Variants in THEM6 observed in about 807,000 individuals in gnomAD.
THEM6 encodes thioesterase superfamily member 6, also known as protein THEM6.
THEM6 carries 10 observed loss-of-function variants against 13.7 expected under a neutral mutation model. The ratio of observed to expected loss-of-function variants is 0.73; its 90% CI spans 0.45 to 1.24. The LOEUF (loss-of-function observed/expected upper bound fraction) is 1.24. Among genes scored for constraint, THEM6 ranks in the 50% most tolerant of loss-of-function variants. The pLI, the probability that THEM6 is intolerant of heterozygous loss-of-function variation, is 0.00. For synonymous variants in THEM6, 161 were observed against 156.0 expected (o/e 1.03, Z -0.24); for missense variants, 317 against 312.6 (o/e 1.01, Z -0.11).
In THEM6 at chr8:142,735,619, A is replaced by G. The variant is rs1367701791; in HGVS notation, c.*180A>G. 7 of 586,478 alleles carry G rather than the reference A, an allele frequency of 1.2e-5. No homozygotes were observed. The highest frequency in any genetic ancestry group is 8.4e-5 in the Admixed American group (3 of 35,550). The allele number at this position is 586,478 out of a possible 1,614,324, so 36.3% of individuals were successfully genotyped here. On this transcript the variant is annotated 3_prime_UTR_variant, in exon 2 of 2. Transcript: ENST00000336138. Reference sequence around the variant, plus strand: ...ACCCCTCTGTGCTGGGCTCCACGCTAGGCAGAAGGAGGAGTGGCATTGGCA... The same window carrying G: ...ACCCCTCTGTGCTGGGCTCCACGCTGGGCAGAAGGAGGAGTGGCATTGGCA...
At position 142,727,500 on chromosome 8, in the gene THEM6, GGCCGCGT is replaced by G; in HGVS notation, c.157_163del (p.Arg53CysfsTer11). 6.3e-7 allele frequency: 1 copy of G among 1,579,042 alleles called. No individual in the cohort carries two copies. Among genetic ancestry groups the G allele is most frequent in the Non-Finnish European group, 8.5e-7 (1 of 1,170,698 alleles). On this transcript the variant is annotated frameshift_variant, in exon 1 of 2. Coordinates refer to ENST00000336138, the MANE Select transcript of THEM6 (RefSeq NM_016647.3). LOFTEE classifies it high-confidence loss of function. ...CCTGCTAGCTGAGCAGCGCTTCCCGGGCCGCGTGCTGCCCTCGGACTTGGACCTGCTG... is the reference window on the plus strand; with the variant it reads ...CCTGCTAGCTGAGCAGCGCTTCCCGGGCTGCCCTCGGACTTGGACCTGCTG...
chr8:142,733,977 G>A (rs981037420), intron 1 of THEM6, among the ~76,000 whole-genome samples: 2 of 152,194 alleles, frequency 1.3e-5, no homozygotes, highest in Admixed American at 6.5e-5. Context: ...TACTGGTTGT[G>A]GAGACCTAGG....
rs903041221 is a variant in THEM6, at chr8:142,735,488, C to A, written c.*49C>A. 4 of 1,399,548 alleles carry A rather than the reference C, an allele frequency of 2.9e-6. No homozygotes were observed. In the African/African-American group the frequency reaches 4.3e-5, roughly 15 times the overall value. 86.7% of individuals were successfully genotyped at this position (1,399,548 alleles called of 1,614,324 possible). On this transcript the variant is annotated 3_prime_UTR_variant, in exon 2 of 2. Coordinates refer to ENST00000336138, the MANE Select transcript of THEM6 (RefSeq NM_016647.3). ...CTGGCCACCATCCTGGGCCTGGGGG[C>A]TGCCCACAGATGGGCAGTCTCAGCC...
At chr8:142,733,304 G>A (rs1353255425) in intron 1 of THEM6, among the ~76,000 whole-genome samples, 5 of 152,250 alleles carry the variant, frequency 3.3e-5, no homozygotes, top group African/African-American at 1.2e-4. Flanking sequence ...AGGCTAAATT[G>A]TGGGAGCTAA....
Position 142,727,892 on chromosome 8 carries a change from G to C in THEM6, c.513+33G>C, listed in dbSNP as rs782402619. On this transcript the variant is annotated intron_variant, in intron 1 of 1. Coordinates refer to ENST00000336138, the MANE Select transcript of THEM6 (RefSeq NM_016647.3). The stretch of plus-strand genomic sequence containing the variant: ...GCCCCCGCCCCTGGCCCCGGAGCAC[G>C]GCCTTTGTGGGACCTCCGGGGGCTC... 29 of 1,378,766 alleles carry C rather than the reference G, an allele frequency of 2.1e-5. 1 individual carries two copies. In the African/African-American group the frequency reaches 4.0e-4, roughly 19 times the overall value. 85.4% of individuals were successfully genotyped at this position (1,378,766 alleles called of 1,614,324 possible).
chr8:142,734,071 G>A (rs1815708054), intron 1 of THEM6, among the ~76,000 whole-genome samples: 1 of 152,056 alleles, frequency 6.6e-6, no homozygotes, highest in Admixed American at 6.5e-5. Flanking sequence ...TAAGGTCTGT[G>A]TTGTTAATGC....
chr8:142,728,023 G>A (rs915140138), intron 1 of THEM6, among the ~76,000 whole-genome samples, 164 bp downstream of exon 1: 2 of 152,094 alleles, frequency 1.3e-5, no homozygotes, highest in Non-Finnish European at 2.9e-5. Flanking sequence ...CCTCTCTACC[G>A]GGGGCATTCC....
At chr8:142,730,535 T>C (rs1815623909) in intron 1 of THEM6, among the ~76,000 whole-genome samples, 1 of 152,218 alleles carries the variant, frequency 6.6e-6, no homozygotes, top group East Asian at 1.9e-4. Context: ...CCCTGCCTCC[T>C]CTTAAGCTCT....
chr8:142,731,777 C>T (rs1815650889), intron 1 of THEM6, among the ~76,000 whole-genome samples: 1 of 152,240 alleles, frequency 6.6e-6, no homozygotes, highest in Non-Finnish European at 1.5e-5. Context: ...GTCAGTTTCT[C>T]TATCCACCCC....
In THEM6 at chr8:142,727,249, T is replaced by G. The variant is rs2257796; in HGVS notation, c.-98T>G. On this transcript the variant is annotated 5_prime_UTR_variant, in exon 1 of 2. Transcript: ENST00000336138. ...GTTCGCTCCGGGCGCGCTGCGCTCG[T>G]GAGTTCCCAGGAGGCCTGGCGGGCA... 1.6e-5 allele frequency: 20 copies of G among 1,250,620 alleles called. No homozygotes were observed. Among genetic ancestry groups the G allele is most frequent in the Admixed American group, 4.1e-5 (1 of 24,396 alleles). 77.5% of individuals were successfully genotyped at this position (1,250,620 alleles called of 1,614,324 possible). A position where few individuals can be genotyped will look rare whatever the true frequency, so the allele number is the denominator to read the frequency against.
chr8:142,730,270 TA>T (rs1275457953), intron 1 of THEM6, among the ~76,000 whole-genome samples: 1 of 149,246 alleles, frequency 6.7e-6, no homozygotes, highest in Non-Finnish European at 1.5e-5. Flanking sequence ...GTTAACAGCA[TA>T]AAATAGGGTT....
intron 1 of THEM6, 132 bp from the exon 2 acceptor site, chr8:142,735,194 G>A: frequency 1.5e-6 from 1 of 679,124 alleles, no homozygotes; most frequent in Non-Finnish European, 2.6e-6. Context: ...AGCCTGGGGA[G>A]GCATGGGCAA....
rs865977434 is a variant in THEM6, at chr8:142,732,204, A to G, written c.514-3122A>G. 7.0e-3 allele frequency among the ~76,000 whole-genome samples: 714 copies of G among 102,602 alleles called. 17 individuals are homozygous for G. Among genetic ancestry groups the G allele is most frequent in the African/African-American group, 0.028 (660 of 23,544 alleles). The allele number at this position is 102,602 out of a possible 152,430, so 67.3% of individuals were successfully genotyped here. A position where few individuals can be genotyped will look rare whatever the true frequency, so the allele number is the denominator to read the frequency against. On this transcript the variant is annotated intron_variant, in intron 1 of 1. Coordinates refer to ENST00000336138, the MANE Select transcript of THEM6 (RefSeq NM_016647.3). ...TATATATATATATATATATATATATATATTTTAACTACTGGAGGTTTGTGT... is the reference window on the plus strand; with the variant it reads ...TATATATATATATATATATATATATGTATTTTAACTACTGGAGGTTTGTGT...
Position 142,727,350 on chromosome 8 carries a change from C to G in THEM6, c.4C>G (p.Leu2Val). 1 of 1,516,750 alleles carries G rather than the reference C, an allele frequency of 6.6e-7. No individual in the cohort carries two copies. Among genetic ancestry groups the G allele is most frequent in the Non-Finnish European group, 8.8e-7 (1 of 1,139,236 alleles). The allele number at this position is 1,516,750 out of a possible 1,614,324, so 94.0% of individuals were successfully genotyped here. A position where few individuals can be genotyped will look rare whatever the true frequency, so the allele number is the denominator to read the frequency against. ...CCCCGCGCCCGCCGCCGCCGCTATGCTGGGGCTGCTGGTGGCGTTGCTGGC... is the reference window on the plus strand; with the variant it reads ...CCCCGCGCCCGCCGCCGCCGCTATGGTGGGGCTGCTGGTGGCGTTGCTGGC... M[L>V]GLLVALLALG... Residue 2 changes from leucine (L) to valine (V), a missense_variant, in exon 1 of 2, where the codon CTG becomes GTG. Physicochemically the swap from Leu to Val is conservative, Grantham distance 32. Transcript: ENST00000336138.
intron 1 of THEM6, among the ~76,000 whole-genome samples, chr8:142,729,151 C>G (rs1554642725): frequency 6.6e-6 from 1 of 152,044 alleles, no homozygotes; most frequent in Non-Finnish European, 1.5e-5. Context: ...TCAGGAATGC[C>G]TTTGTTCTCC....
At position 142,735,505 on chromosome 8, in the gene THEM6, G is replaced by A. The variant is rs1815739859; in HGVS notation, c.*66G>A. The A allele has an allele frequency of 8.1e-7, 1 of 1,237,128 alleles. No individual in the cohort carries two copies. The highest frequency in any genetic ancestry group is 1.2e-6 in the Non-Finnish European group (1 of 866,888). The allele number at this position is 1,237,128 out of a possible 1,614,324, so 76.6% of individuals were successfully genotyped here. A position where few individuals can be genotyped will look rare whatever the true frequency, so the allele number is the denominator to read the frequency against. On this transcript the variant is annotated 3_prime_UTR_variant, in exon 2 of 2. Transcript: ENST00000336138. Reference sequence around the variant, plus strand: ...CCTGGGGGCTGCCCACAGATGGGCAGTCTCAGCCATACTCTGTTCCAGCTG... The same window carrying A: ...CCTGGGGGCTGCCCACAGATGGGCAATCTCAGCCATACTCTGTTCCAGCTG...
intron 1 of THEM6, 76 bp downstream of exon 1, chr8:142,727,935 C>T (rs1486737616): frequency 2.2e-6 from 3 of 1,348,206 alleles, no homozygotes; most frequent in African/African-American, 1.5e-5. Flanking sequence ...TCCCTGGCCC[C>T]CTCCCCTAGG....
At position 142,735,511 on chromosome 8, in the gene THEM6, G is replaced by A. The variant is rs1422437010; in HGVS notation, c.*72G>A. Reference sequence around the variant, plus strand: ...GGCTGCCCACAGATGGGCAGTCTCAGCCATACTCTGTTCCAGCTGGAGTAG... The same window carrying A: ...GGCTGCCCACAGATGGGCAGTCTCAACCATACTCTGTTCCAGCTGGAGTAG... On this transcript the variant is annotated 3_prime_UTR_variant, in exon 2 of 2. Coordinates refer to ENST00000336138, the MANE Select transcript of THEM6 (RefSeq NM_016647.3). 3.4e-6 allele frequency: 4 copies of A among 1,183,094 alleles called. No individual in the cohort carries two copies. The Admixed American group carries it at 6.0e-5, about 18-fold the overall frequency. The allele number at this position is 1,183,094 out of a possible 1,614,324, so 73.3% of individuals were successfully genotyped here. A position where few individuals can be genotyped will look rare whatever the true frequency, so the allele number is the denominator to read the frequency against.
rs1554642580 is a variant in THEM6, at chr8:142,727,876, C to T, written c.513+17C>T. 25 of 1,389,590 alleles carry T rather than the reference C, an allele frequency of 1.8e-5. No homozygotes were observed. The highest frequency in any genetic ancestry group is 2.2e-5 in the Non-Finnish European group (24 of 1,081,356). 86.1% of individuals were successfully genotyped at this position (1,389,590 alleles called of 1,614,324 possible). A position where few individuals can be genotyped will look rare whatever the true frequency, so the allele number is the denominator to read the frequency against. On this transcript the variant is annotated intron_variant, in intron 1 of 1. Coordinates refer to ENST00000336138, the MANE Select transcript of THEM6 (RefSeq NM_016647.3). Reference sequence around the variant, plus strand: ...CAGCGCAGGGTGAGCGGCCCCCGCCCCTGGCCCCGGAGCACGGCCTTTGTG... The same window carrying T: ...CAGCGCAGGGTGAGCGGCCCCCGCCTCTGGCCCCGGAGCACGGCCTTTGTG...
Sources: allele counts gnomAD v4.1 joint callset (sites outside exome capture counted in the v4.1 genomes callset), GRCh38; gene constraint gnomAD v4.1.1; transcripts MANE v1.5; gene names NCBI Gene and HGNC (gene_info 2026-07-23, HGNC 2026-07-21).